NAV1: variants seen among roughly 807,000 people sequenced by gnomAD.
NAV1 encodes neuron navigator 1.
In NAV1, 18 loss-of-function variants were observed where a neutral mutation model predicts 175.2. That is an observed-to-expected ratio of 0.10 (90% CI 0.07 to 0.15). The LOEUF is 0.15. Ranked by LOEUF, NAV1 falls within the 10% of genes least tolerant of loss-of-function variation. The pLI is 1.00. For missense variants in NAV1, 1,731 were observed against 2,436.6 expected, an observed-to-expected ratio of 0.71 and a Z score of 6.10; for synonymous variants, 897 against 978.7, an observed-to-expected ratio of 0.92 and a Z score of 1.56.
rs147464913 is a variant in NAV1 at position 201,822,422 on chromosome 1, A to G, written c.*2490A>G. 358 of 152,540 alleles carry G rather than the reference A, an allele frequency of 2.3e-3. 1 individual carries two copies. The highest frequency in any genetic ancestry group is 4.2e-3 in the Non-Finnish European group (285 of 68,008). The allele number at this position is 152,540 out of a possible 1,614,324, so 9.4% of individuals were successfully genotyped here. On this transcript the variant is annotated 3_prime_UTR_variant, in exon 30 of 30. Transcript: ENST00000367296. ...ATCTGATGGTTGAGCGCTTCACTCT[A>G]TTTTCTGGTGCTGCCCAGCCAGTGC...
chr1:201,634,467 C>T (rs1444302365), intron 2 of NAV1, among the ~76,000 whole-genome samples: 2 of 152,116 alleles, frequency 1.3e-5, no homozygotes, highest in Admixed American at 1.3e-4. Context: ...GAAGATGACT[C>T]AAGTCTGGGA....
chr1:201,779,453 C>T (rs576263325), intron 3 of NAV1, among the ~76,000 whole-genome samples: 111 of 150,010 alleles, frequency 7.4e-4, no homozygotes, highest in Admixed American at 1.2e-3. Context: ...AAAATAGTAG[C>T]TGGGTGTCGT....
chr1:201,644,960 G>A (rs138381879), upstream of NAV1, among the ~76,000 whole-genome samples: 60 of 152,260 alleles, frequency 3.9e-4, 1 homozygote, highest in East Asian at 0.01. Flanking sequence ...TGGGGAGGGG[G>A]CATAAGGTGA....
chr1:201,664,115 C>T (rs1055844795), intron 1 of NAV1, among the ~76,000 whole-genome samples: 2 of 152,042 alleles, frequency 1.3e-5, no homozygotes, highest in South Asian at 2.1e-4. Flanking sequence ...CAGAGAGACC[C>T]GAATTCAAAT....
chr1:201,592,135 A>C (rs1571836151), intron 2 of NAV1, among the ~76,000 whole-genome samples: 1 of 151,874 alleles, frequency 6.6e-6, no homozygotes. Flanking sequence ...AAGCTGCCCC[A>C]CCTGCATGGG....
At chr1:201,665,968 A>G (rs1289673367) in intron 1 of NAV1, among the ~76,000 whole-genome samples, 1 of 151,996 alleles carries the variant, frequency 6.6e-6, no homozygotes, top group African/African-American at 2.4e-5. Context: ...ACTGGTACCC[A>G]TTTTGATTCC....
At chr1:201,652,834 C>T (rs939931067) in intron 1 of NAV1, among the ~76,000 whole-genome samples, 5 of 152,124 alleles carry the variant, frequency 3.3e-5, no homozygotes, top group African/African-American at 7.2e-5. Context: ...GGTTATGTCC[C>T]GTTAAGACCA....
At chr1:201,587,578 G>A (rs969409378) in intron 1 of NAV1, among the ~76,000 whole-genome samples, 1 of 152,024 alleles carries the variant, frequency 6.6e-6, no homozygotes, top group Non-Finnish European at 1.5e-5. Flanking sequence ...TGGCTACTTG[G>A]GAGGTTGATG....
At chr1:201,541,031 CCTGAT>C (rs1280281266) in intron 1 of NAV1, among the ~76,000 whole-genome samples, 2 of 152,192 alleles carry the variant, frequency 1.3e-5, no homozygotes, top group African/African-American at 4.8e-5. Context: ...GAGAACAGCC[CCTGAT>C]CTGAACTTCT....
Position 201,629,366 on chromosome 1 carries a change from T to C in NAV1, c.-100-38T>C, listed in dbSNP as rs1402367440. ...ATGGAGGGGCTTAGAGACCAGGACA[T>C]CTCTACCATGAGTGACTACCCTTTC... On this transcript the variant is annotated intron_variant, in intron 1 of 29. Coordinates refer to the NAV1 transcript ENST00000367302. 7 of 1,275,492 alleles carry C rather than the reference T, an allele frequency of 5.5e-6. No homozygotes were observed. In the East Asian group the frequency reaches 2.2e-4, roughly 41 times the overall value. The allele number at this position is 1,275,492 out of a possible 1,614,324, so 79.0% of individuals were successfully genotyped here.
In NAV1 at chr1:201,765,304, A is replaced by G. The variant is rs186511748; in HGVS notation, c.1227-15117A>G. On this transcript the variant is annotated intron_variant, in intron 3 of 29. Transcript: ENST00000367296. ...AATGGTGGAAATCTATTATTTCAGC[A>G]TCGAACAGAATGATCAAGGTACAGT... 3.1e-3 allele frequency among the ~76,000 whole-genome samples: 477 copies of G among 152,102 alleles called. 5 individuals carry two copies. The highest frequency in any genetic ancestry group is 4.4e-3 in the Non-Finnish European group (296 of 67,978).
upstream of NAV1, among the ~76,000 whole-genome samples, chr1:201,618,516 A>G (rs1668067826): frequency 1.3e-5 from 2 of 151,784 alleles, no homozygotes; most frequent in Non-Finnish European, 2.9e-5. Context: ...CCCCAACTCT[A>G]TCTCTGGAAG....
chr1:201,672,776 C>A (rs1670091198), intron 1 of NAV1, among the ~76,000 whole-genome samples: 1 of 152,182 alleles, frequency 6.6e-6, no homozygotes, highest in Admixed American at 6.5e-5. Flanking sequence ...GTGGTCAGAG[C>A]AGGACTCAGA....
At chr1:201,650,984 G>A (rs1223628460) in intron 1 of NAV1, among the ~76,000 whole-genome samples, 1 of 152,182 alleles carries the variant, frequency 6.6e-6, no homozygotes, top group Non-Finnish European at 1.5e-5. Context: ...GGGCAAGAGA[G>A]ACAATAAGGG....
intron 1 of NAV1, among the ~76,000 whole-genome samples, chr1:201,666,992 G>A (rs1263517911): frequency 6.6e-6 from 1 of 152,180 alleles, no homozygotes; most frequent in East Asian, 1.9e-4. Context: ...CCCCCAGAGA[G>A]GTTCAAGACA....
Position 201,684,551 on chromosome 1 carries a change from T to G in NAV1, c.758-28266T>G, listed in dbSNP as rs545921945. 7.1e-4 allele frequency among the ~76,000 whole-genome samples: 105 copies of G among 147,218 alleles called. 1 individual carries two copies. The highest frequency in any genetic ancestry group is 4.0e-4 in the Non-Finnish European group (27 of 67,230). On this transcript the variant is annotated intron_variant, in intron 1 of 29. Transcript: ENST00000367296. Reference sequence around the variant, plus strand: ...GTGCAATGGCTTGATCTCGGCTCACTGCAACCTCCGTCTCCCAGGTTCAAG... The same window carrying G: ...GTGCAATGGCTTGATCTCGGCTCACGGCAACCTCCGTCTCCCAGGTTCAAG...
At chr1:201,783,003 T>C in intron 6 of NAV1, 134 bp downstream of exon 10, 1 of 718,338 alleles carries the variant, frequency 1.4e-6, no homozygotes. Flanking sequence ...CTTTCCCACC[T>C]CTCCCCCATA....
intron 1 of NAV1, among the ~76,000 whole-genome samples, chr1:201,663,035 C>G (rs186168134): frequency 1.7e-3 from 260 of 152,350 alleles, no homozygotes; most frequent in African/African-American, 5.8e-3. Context: ...TTCTTCTCCT[C>G]TTGTACCACA....
intron 1 of NAV1, among the ~76,000 whole-genome samples, chr1:201,583,436 G>A (rs970491447): frequency 6.6e-6 from 1 of 152,176 alleles, no homozygotes; most frequent in African/African-American, 2.4e-5. Flanking sequence ...CTCTGCTAAG[G>A]GGCTCTTTCT....
Sources: allele counts gnomAD v4.1 joint callset (sites outside exome capture counted in the v4.1 genomes callset), GRCh38; gene constraint gnomAD v4.1.1; transcripts MANE v1.5; gene names NCBI Gene and HGNC (gene_info 2026-07-23, HGNC 2026-07-21).